LTBP4: variants seen among roughly 807,000 people sequenced by gnomAD.
LTBP4 encodes latent transforming growth factor beta binding protein 4, also known as latent-transforming growth factor beta-binding protein 4.
In LTBP4, 93 loss-of-function variants were observed where a neutral mutation model predicts 180.2. The ratio of observed to expected loss-of-function variants is 0.52; its 90% confidence interval spans 0.44 to 0.61. The LOEUF is 0.61. Among genes scored for constraint, LTBP4 ranks in the 20% least tolerant of loss-of-function variants. The probability of loss-of-function intolerance (pLI) is 0.00; values close to 1 mark genes in which losing one functional copy is unlikely to be tolerated. For synonymous variants in LTBP4, 947 were observed against 934.5 expected (o/e 1.01, Z -0.24); for missense variants, 2,116 against 2,256.5 (o/e 0.94, Z 1.26).
chr19:40,610,261 T>A (rs1489207953), intron 11 of LTBP4: 12 of 518,130 alleles, frequency 2.3e-5, no homozygotes, highest in Non-Finnish European at 3.4e-5. Flanking sequence ...ACCAGAGCCC[T>A]ATCCCCAAAC....
intron 6 of LTBP4, 86 bp from the exon 7 acceptor site, chr19:40,607,279 C>CCCAAACCAA: frequency 8.0e-6 from 9 of 1,126,366 alleles, no homozygotes; most frequent in East Asian, 3.0e-5. Flanking sequence ...CCCCCAACCC[C>CCCAAACCAA]AGAACCATTC....
intron 7 of LTBP4, 85 bp downstream of exon 7, chr19:40,607,614 G>A: frequency 7.1e-7 from 1 of 1,417,166 alleles, no homozygotes; most frequent in African/African-American, 1.4e-5. Context: ...TGAGTTCACT[G>A]CCCCAACCTG....
intron 21 of LTBP4, 129 bp downstream of exon 21, chr19:40,617,354 C>A: frequency 7.8e-7 from 1 of 1,278,244 alleles, no homozygotes; most frequent in South Asian, 1.5e-5. Flanking sequence ...AATATAAGAT[C>A]ATCTTCATGC....
chr19:40,613,876 G>C lies in LTBP4; in HGVS notation c.2558-40G>C. The C allele has an allele frequency of 6.2e-7, 1 of 1,612,394 alleles. No individual in the cohort carries two copies. The highest frequency in any genetic ancestry group is 8.5e-7 in the Non-Finnish European group (1 of 1,179,626). ...GGTGTGGCCTAGAATGTTAGGCGGA[G>C]CGGGAGGTGGGCCGGGCCTTCGGAC... On this transcript the variant is annotated intron_variant, in intron 17 of 29. Transcript: ENST00000396819. This position sits in a 1 kb window ranked among gnomAD's most constrained non-coding sequence, Gnocchi z 5.0.
upstream of LTBP4, chr19:40,599,219 C>G (rs1268760732): frequency 6.2e-7 from 1 of 1,612,290 alleles, no homozygotes; most frequent in Non-Finnish European, 8.5e-7. Context: ...TCGCTGCTGC[C>G]CGGGCCAGAC....
In LTBP4 at chr19:40,619,501, T is replaced by A. The variant is rs2081571887; in HGVS notation, c.3217+8T>A. 1.9e-6 allele frequency: 3 copies of A among 1,603,892 alleles called. No homozygotes were observed. Among genetic ancestry groups the A allele is most frequent in the African/African-American group, 2.7e-5 (2 of 74,848 alleles). Reference sequence around the variant, plus strand: ...CCCCACGAACTTCTGCTGGTGAGACTGATGTGTCTATTTAACTGATGGCGG... The same window carrying A: ...CCCCACGAACTTCTGCTGGTGAGACAGATGTGTCTATTTAACTGATGGCGG... On this transcript the variant is annotated splice_region_variant and intron_variant, in intron 22 of 29. Coordinates refer to ENST00000396819, the MANE Select transcript of LTBP4 (RefSeq NM_001042545.2).
Position 40,627,688 on chromosome 19 carries a change from C to T in LTBP4, c.4367-17C>T, listed in dbSNP as rs2081646073. 2 of 1,576,184 alleles carry T rather than the reference C, an allele frequency of 1.3e-6. No homozygotes were observed. Among genetic ancestry groups the T allele is most frequent in the Middle Eastern group, 1.7e-4 (1 of 6,022 alleles). ...AGGCAGGGACCTCAAGTCATAGGGTCCCCGCATTTCCCACAGGTTCCCTGG... is the reference window on the plus strand; with the variant it reads ...AGGCAGGGACCTCAAGTCATAGGGTTCCCGCATTTCCCACAGGTTCCCTGG... On this transcript the variant is annotated splice_polypyrimidine_tract_variant and intron_variant, in intron 28 of 29. Transcript: ENST00000396819.
At chr19:40,597,515 TA>T, upstream of LTBP4, 2 of 1,025,618 alleles carry the variant, frequency 2.0e-6, no homozygotes, top group Non-Finnish European at 2.6e-6. Flanking sequence ...TTGGATTTAT[TA>T]GGCGCCCTCA....
rs368643029 is a variant in LTBP4 at position 40,611,224 on chromosome 19, G to A, written c.1883G>A (p.Arg628His). ...GACKNLPGSFRCVCPAGFRGS... is the reference protein window; with the variant it reads ...GACKNLPGSFHCVCPAGFRGS... ...TGCAAGAACCTGCCTGGCTCTTTCC[G>A]CTGTGTTTGCCCGGCTGGCTTCCGG... Residue 628 changes from arginine (R) to histidine (H), a missense_variant, in exon 13 of 30, where the codon CGC becomes CAC. Transcript: ENST00000396819. The surrounding 1 kb of genome is among the most constrained non-coding windows in gnomAD (Gnocchi z 4.4). 8.7e-6 allele frequency: 14 copies of A among 1,613,798 alleles called. No individual in the cohort carries two copies. The highest frequency in any genetic ancestry group is 1.7e-4 in the Middle Eastern group (1 of 6,036).
intron 19 of LTBP4, among the ~76,000 whole-genome samples, chr19:40,616,386 T>C (rs2081549313): frequency 6.6e-6 from 1 of 150,714 alleles, no homozygotes; most frequent in Non-Finnish European, 1.5e-5. Context: ...AGGTCAGAAG[T>C]TCATCACCAG....
chr19:40,622,773 T>G lies in LTBP4; in HGVS notation c.3484+106T>G. 6.9e-7 allele frequency: 1 copy of G among 1,451,080 alleles called. No individual in the cohort carries two copies. Among genetic ancestry groups the G allele is most frequent in the Non-Finnish European group, 9.2e-7 (1 of 1,085,264 alleles). 89.9% of individuals were successfully genotyped at this position (1,451,080 alleles called of 1,614,324 possible). A position where few individuals can be genotyped will look rare whatever the true frequency, so the allele number is the denominator to read the frequency against. ...ACTTTTGGACAGGGCCTTGAGGTAC[T>G]AGTACTGTCAGGGCAAGGGCGAGCT... On this transcript the variant is annotated intron_variant, in intron 23 of 29. Transcript: ENST00000396819. The surrounding 1 kb of genome is among the most constrained non-coding windows in gnomAD (Gnocchi z 5.1).
At chr19:40,615,119 C>T (rs961559868) in intron 19 of LTBP4, among the ~76,000 whole-genome samples, 1 of 147,674 alleles carries the variant, frequency 6.8e-6, no homozygotes, top group African/African-American at 2.5e-5. Context: ...CTCTTTCACC[C>T]CTCCCGGGTC....
upstream of LTBP4, among the ~76,000 whole-genome samples, chr19:40,598,150 G>A (rs1399099532): frequency 7.7e-6 from 1 of 130,698 alleles, no homozygotes; most frequent in Non-Finnish European, 1.6e-5. Flanking sequence ...CCAGCGCTCC[G>A]TTACAAAGGC....
At chr19:40,619,266 A>C in intron 21 of LTBP4, 81 bp from the exon 22 acceptor site, 1 of 1,423,258 alleles carries the variant, frequency 7.0e-7, no homozygotes, top group Non-Finnish European at 9.7e-7. Context: ...ATTATATTTG[A>C]AAGCTGAGAC....
At chr19:40,600,130 T>A (rs2081413608), upstream of LTBP4, 1 of 1,257,750 alleles carries the variant, frequency 8.0e-7, no homozygotes. The surrounding 1 kb of genome is among the most constrained non-coding windows in gnomAD (Gnocchi z 4.4). Flanking sequence ...GGCCGGGGAC[T>A]ACTGAGAAGG....
upstream of LTBP4, chr19:40,600,269 C>A (rs2081414604): frequency 3.3e-6 from 2 of 597,620 alleles, no homozygotes; most frequent in East Asian, 6.9e-5. This position sits in a 1 kb window ranked among gnomAD's most constrained non-coding sequence, Gnocchi z 4.4. Context: ...GCCGCCTACC[C>A]GCCCCCCGTT....
In LTBP4 at chr19:40,622,497, G is replaced by A; in HGVS notation, c.3314G>A (p.Arg1105Lys). Reference sequence around the variant, plus strand: ...CTGCCCCGCCGACCCAGCACACCTAGGCAGGGCCCTGTGGGGAGTGGGCGC... The same window carrying A: ...CTGCCCCGCCGACCCAGCACACCTAAGCAGGGCCCTGTGGGGAGTGGGCGC... The part of the protein sequence containing the change: ...PPLPRRPSTP[R>K]QGPVGSGRRE... The change falls in exon 23 of 30, where the codon AGG (arginine) becomes AAG (lysine). Residue 1105 changes from arginine to lysine, a missense_variant. Arg to Lys is a conservative substitution (Grantham distance 26). Transcript: ENST00000396819. This position sits in a 1 kb window ranked among gnomAD's most constrained non-coding sequence, Gnocchi z 5.1. 6.2e-7 allele frequency: 1 copy of A among 1,613,274 alleles called. No homozygotes were observed. Among genetic ancestry groups the A allele is most frequent in the Non-Finnish European group, 8.5e-7 (1 of 1,179,602 alleles).
Position 40,625,297 on chromosome 19 carries a change from TATATATATATATA to T in LTBP4, c.3833-559_3833-547del, listed in dbSNP as rs1568414537. Among the ~76,000 whole-genome samples the T allele has an allele frequency of 5.8e-4, 12 of 20,548 alleles. 1 individual carries two copies. The highest frequency in any genetic ancestry group is 8.1e-4 in the Non-Finnish European group (11 of 13,662). The allele number at this position is 20,548 out of a possible 152,430, so 13.5% of individuals were successfully genotyped here. Reference sequence around the variant, plus strand: ...ATATATATATATATATATATATATATATATATATATATATATATATTTTTTTTTTTAAAGATGG... The same window carrying T: ...ATATATATATATATATATATATATATTATATATTTTTTTTTTTAAAGATGG... On this transcript the variant is annotated intron_variant, in intron 26 of 29. Coordinates refer to ENST00000396819, the MANE Select transcript of LTBP4 (RefSeq NM_001042545.2).
At position 40,623,601 on chromosome 19, in the gene LTBP4, C is replaced by A; in HGVS notation, c.3557-3C>A. 3 of 1,611,794 alleles carry A rather than the reference C, an allele frequency of 1.9e-6. No homozygotes were observed. Among genetic ancestry groups the A allele is most frequent in the Non-Finnish European group, 2.5e-6 (3 of 1,178,638 alleles). On this transcript the variant is annotated splice_region_variant and splice_polypyrimidine_tract_variant and intron_variant, in intron 24 of 29. Transcript: ENST00000396819. ...CCCATCTCTCTCTCTGCTTTTCGCA[C>A]AGACGTGGACGAATGTCAGCTCTTC...
Sources: allele counts gnomAD v4.1 joint callset (sites outside exome capture counted in the v4.1 genomes callset), GRCh38; gene constraint gnomAD v4.1.1; non-coding constraint Gnocchi (gnomAD v3.1); transcripts MANE v1.5; gene names NCBI Gene and HGNC (gene_info 2026-07-23, HGNC 2026-07-21).